The following TMEM117 variants were observed in gnomAD, a reference collection of about 807,000 sequenced individuals.
The protein encoded by TMEM117 is transmembrane protein 117.
In TMEM117, 27 loss-of-function variants were observed where a neutral mutation model predicts 52.4. That is an observed-to-expected ratio of 0.51 (90% confidence interval 0.38 to 0.71). The LOEUF (loss-of-function observed/expected upper bound fraction) is 0.71, where lower values mean the gene tolerates loss of function less well. TMEM117 is among the 30% of genes least tolerant of loss of function. TMEM117 has a pLI of 0.00. For missense variants in TMEM117, 556 were observed against 630.5 expected (o/e 0.88, Z 1.26); for synonymous variants, 215 against 206.3 (o/e 1.04, Z -0.36).
intron 3 of TMEM117, among the ~76,000 whole-genome samples, chr12:44,097,005 A>G (rs1371057059): frequency 6.6e-6 from 1 of 152,152 alleles, no homozygotes; most frequent in South Asian, 2.1e-4. Flanking sequence ...AATGAACTCA[A>G]ACAAATTTAC....
In TMEM117 at chr12:44,051,772, G is replaced by T. The variant is rs115850578; in HGVS notation, c.411-91753G>T. Among the ~76,000 whole-genome samples, 221 of 152,300 alleles carry T rather than the reference G, an allele frequency of 1.5e-3. 3 individuals are homozygous for T. Among genetic ancestry groups the T allele is most frequent in the African/African-American group, 5.0e-3 (207 of 41,568 alleles). ...TCTCACATGCACCCTATTCATTATT[G>T]AAAGTTACCCCACTCATTATTCAAA... On this transcript the variant is annotated intron_variant, in intron 3 of 7. Coordinates refer to ENST00000266534, the MANE Select transcript of TMEM117 (RefSeq NM_032256.3).
chr12:44,037,978 G>A (rs927401801), intron 3 of TMEM117, among the ~76,000 whole-genome samples: 3 of 151,938 alleles, frequency 2.0e-5, no homozygotes, highest in African/African-American at 4.8e-5. Flanking sequence ...AATACTTGTC[G>A]GGATGCCCTG....
intron 6 of TMEM117, among the ~76,000 whole-genome samples, chr12:44,326,945 G>A (rs537493714): frequency 3.3e-5 from 5 of 152,256 alleles, no homozygotes; most frequent in African/African-American, 4.8e-5. Flanking sequence ...TAGTCAAGGC[G>A]GAGGCCTTGG....
intron 4 of TMEM117, among the ~76,000 whole-genome samples, chr12:44,207,274 A>G (rs1433427176): frequency 1.3e-5 from 2 of 152,166 alleles, no homozygotes; most frequent in African/African-American, 2.4e-5. Flanking sequence ...TAATAAATCA[A>G]TATTTTACAT....
At chr12:44,031,579 A>T (rs939199900) in intron 3 of TMEM117, among the ~76,000 whole-genome samples, 2 of 152,326 alleles carry the variant, frequency 1.3e-5, no homozygotes, top group African/African-American at 2.4e-5. Flanking sequence ...AAGAAATCTG[A>T]AGTAATCTTT....
chr12:44,377,882 C>G (rs1951964275), intron 7 of TMEM117, among the ~76,000 whole-genome samples: 1 of 152,212 alleles, frequency 6.6e-6, no homozygotes. Context: ...CATGAGGCGA[C>G]CTTCCTAAAT....
At chr12:44,168,615 A>G (rs1202781296) in intron 4 of TMEM117, among the ~76,000 whole-genome samples, 1 of 152,172 alleles carries the variant, frequency 6.6e-6, no homozygotes, top group Non-Finnish European at 1.5e-5. Context: ...TTGTACAGGA[A>G]GCTTTTTTGA....
At chr12:43,932,981 T>G (rs1944895407) in intron 2 of TMEM117, among the ~76,000 whole-genome samples, 2 of 152,190 alleles carry the variant, frequency 1.3e-5, no homozygotes, top group Non-Finnish European at 2.9e-5. Flanking sequence ...AATCTTGGCC[T>G]TGGCATCCAC....
chr12:43,972,201 T>G (rs910332829), intron 3 of TMEM117, among the ~76,000 whole-genome samples: 1 of 152,164 alleles, frequency 6.6e-6, no homozygotes, highest in Non-Finnish European at 1.5e-5. Context: ...ACAGCACATA[T>G]CATGCATTTC....
chr12:43,911,810 C>A (rs942188007), intron 2 of TMEM117, among the ~76,000 whole-genome samples: 1 of 93,370 alleles, frequency 1.1e-5, no homozygotes, highest in Non-Finnish European at 2.6e-5. Flanking sequence ...CCATTTCACA[C>A]CAGTTAGAAT....
intron 4 of TMEM117, among the ~76,000 whole-genome samples, chr12:44,173,121 G>T (rs1342697147): frequency 1.3e-5 from 2 of 152,152 alleles, no homozygotes; most frequent in Admixed American, 6.5e-5. Context: ...TGTCACCCAG[G>T]TTGGAGTGCA....
intron 5 of TMEM117, among the ~76,000 whole-genome samples, chr12:44,252,802 T>C (rs753084321): frequency 1.3e-5 from 2 of 152,208 alleles, no homozygotes; most frequent in Non-Finnish European, 2.9e-5. Context: ...TAGCGGGATA[T>C]TTTTGACACA....
At chr12:44,295,102 G>A (rs1204995971) in intron 5 of TMEM117, among the ~76,000 whole-genome samples, 1 of 152,024 alleles carries the variant, frequency 6.6e-6, no homozygotes, top group African/African-American at 2.4e-5. Flanking sequence ...TAAGCCTTCT[G>A]TTTCTTTCTT....
At chr12:44,233,342 T>A (rs1424974859) in intron 5 of TMEM117, among the ~76,000 whole-genome samples, 1 of 151,502 alleles carries the variant, frequency 6.6e-6, no homozygotes, top group East Asian at 1.9e-4. Flanking sequence ...GTGGAAATAA[T>A]CATATGATCA....
At chr12:44,226,023 A>C (rs898077023) in intron 5 of TMEM117, among the ~76,000 whole-genome samples, 27 of 152,228 alleles carry the variant, frequency 1.8e-4, no homozygotes, top group Non-Finnish European at 2.9e-4. Context: ...ACACCCATAC[A>C]CATGTTCATT....
At chr12:43,885,507 A>T (rs1042894826) in intron 2 of TMEM117, among the ~76,000 whole-genome samples, 3 of 150,914 alleles carry the variant, frequency 2.0e-5, no homozygotes, top group Non-Finnish European at 4.4e-5. Flanking sequence ...GTAAAACATT[A>T]GGGAAACGCA....
intron 5 of TMEM117, among the ~76,000 whole-genome samples, chr12:44,272,909 G>A (rs1950464273): frequency 6.6e-6 from 1 of 152,136 alleles, no homozygotes; most frequent in South Asian, 2.1e-4. Context: ...CTGCTATAAA[G>A]ACACATGCAC....
intron 2 of TMEM117, among the ~76,000 whole-genome samples, chr12:43,923,981 C>A (rs971770610): frequency 6.6e-6 from 1 of 152,026 alleles, no homozygotes; most frequent in Non-Finnish European, 1.5e-5. Flanking sequence ...AGAATAGTGG[C>A]TAAGTAAATT....
chr12:44,108,090 A>G (rs1248181994), intron 3 of TMEM117, among the ~76,000 whole-genome samples: 1 of 152,172 alleles, frequency 6.6e-6, no homozygotes, highest in Non-Finnish European at 1.5e-5. Flanking sequence ...ATACTTCCAC[A>G]GATCTGTTGA....
Sources: gnomAD v4.1 joint callset for allele counts (sites outside exome capture counted in the v4.1 genomes callset) on GRCh38, gnomAD v4.1.1 for gene constraint, MANE v1.5 for transcripts, NCBI Gene and HGNC (gene_info 2026-07-23, HGNC 2026-07-21) for gene names.